Variants in PAX2 observed in about 807,000 individuals in gnomAD.
The protein encoded by PAX2 is paired box 2, also known as paired box protein Pax-2.
PAX2 carries 9 observed loss-of-function variants against 41.7 expected under a neutral mutation model. The observed-to-expected ratio is 0.22, with a 90% CI of 0.13 to 0.38. PAX2 has a LOEUF of 0.38. Among genes scored for constraint, PAX2 ranks in the 10% least tolerant of loss-of-function variants. The probability of loss-of-function intolerance (pLI) is 1.00; values close to 1 mark genes in which losing one functional copy is unlikely to be tolerated. For missense variants in PAX2, 418 were observed against 531.6 expected (o/e 0.79, Z 2.10); for synonymous variants, 221 against 212.7 (o/e 1.04, Z -0.34).
At chr10:100,798,859 C>T (rs71488073) in intron 5 of PAX2, among the ~76,000 whole-genome samples, 2 of 152,384 alleles carry the variant, frequency 1.3e-5, no homozygotes, top group Admixed American at 6.5e-5. Flanking sequence ...ACCTCCACCT[C>T]CCTGGTCCTG....
chr10:100,806,379 G>A, intron 5 of PAX2, 51 bp from the exon 6 acceptor site: 1 of 1,594,978 alleles, frequency 6.3e-7, no homozygotes, highest in Non-Finnish European at 8.6e-7. Flanking sequence ...CACTGTTCCT[G>A]TGCCTCTGCT....
At chr10:100,771,790 C>G (rs908151568) in intron 3 of PAX2, among the ~76,000 whole-genome samples, 4 of 151,798 alleles carry the variant, frequency 2.6e-5, no homozygotes, top group Non-Finnish European at 5.9e-5. Context: ...GCAAAATATC[C>G]TTTGCTGAAG....
intron 3 of PAX2, among the ~76,000 whole-genome samples, chr10:100,755,725 C>G (rs1845602428): frequency 6.6e-6 from 1 of 152,166 alleles, no homozygotes; most frequent in Admixed American, 6.5e-5. Flanking sequence ...CATCTGTCTG[C>G]ATGAAAACCA....
chr10:100,792,465 G>A (rs1168375866), intron 5 of PAX2, among the ~76,000 whole-genome samples: 1 of 152,240 alleles, frequency 6.6e-6, no homozygotes, highest in Non-Finnish European at 1.5e-5. Flanking sequence ...GACAGACAGT[G>A]AGAAGTCTAT....
rs773486698 is a variant in PAX2, at chr10:100,824,610, C to G, written c.920-38C>G. 3.6e-6 allele frequency: 5 copies of G among 1,374,166 alleles called. No homozygotes were observed. The Admixed American group carries it at 8.4e-5, about 23-fold the overall frequency. The allele number at this position is 1,374,166 out of a possible 1,614,324, so 85.1% of individuals were successfully genotyped here. The stretch of plus-strand genomic sequence containing the variant: ...GGTGTGAGTAGAGGCAGGCCCCTTT[C>G]TTCCAGGCCTCACCCCTTCCCCTTT... On this transcript the variant is annotated intron_variant, in intron 7 of 9. Transcript: ENST00000355243. This position sits in a 1 kb window ranked among gnomAD's most constrained non-coding sequence, Gnocchi z 6.6.
At chr10:100,790,199 A>C (rs1847049708) in intron 5 of PAX2, among the ~76,000 whole-genome samples, 1 of 152,192 alleles carries the variant, frequency 6.6e-6, no homozygotes, top group Non-Finnish European at 1.5e-5. Flanking sequence ...GAAATTCAGA[A>C]TAGAGAGGTC....
chr10:100,766,625 A>G (rs1027413835), intron 3 of PAX2, among the ~76,000 whole-genome samples: 3 of 152,216 alleles, frequency 2.0e-5, no homozygotes, highest in Non-Finnish European at 4.4e-5. Context: ...CAGAGCAGGG[A>G]CATTTGCTTC....
intron 5 of PAX2, among the ~76,000 whole-genome samples, chr10:100,798,458 C>G (rs1847417066): frequency 6.6e-6 from 1 of 152,002 alleles, no homozygotes; most frequent in Non-Finnish European, 1.5e-5. Context: ...GAACTGTGGC[C>G]AGGCCAGACT....
intron 5 of PAX2, 100 bp from the exon 6 acceptor site, chr10:100,806,330 C>A: frequency 8.0e-7 from 1 of 1,250,348 alleles, no homozygotes; most frequent in Non-Finnish European, 1.2e-6. Context: ...GGGTGCAGAG[C>A]TCCTGGGCCC....
intron 6 of PAX2, among the ~76,000 whole-genome samples, chr10:100,807,185 G>A (rs1847819940): frequency 6.6e-6 from 1 of 152,122 alleles, no homozygotes; most frequent in Non-Finnish European, 1.5e-5. Flanking sequence ...CACATAGCAT[G>A]GGGCACAGCA....
chr10:100,746,153 C>A lies in PAX2; in HGVS notation c.-108C>A. 1 of 1,595,228 alleles carries A rather than the reference C, an allele frequency of 6.3e-7. No homozygotes were observed. The highest frequency in any genetic ancestry group is 1.1e-5 in the South Asian group (1 of 90,126). On this transcript the variant is annotated 5_prime_UTR_variant, in exon 1 of 10. Coordinates refer to ENST00000355243, the MANE Select transcript of PAX2 (RefSeq NM_000278.5). ...GCCCCGCAGCAGCCGGGCGTTCACTCATCCTCCCTCCCCCACCGTCCCTCC... is the reference window on the plus strand; with the variant it reads ...GCCCCGCAGCAGCCGGGCGTTCACTAATCCTCCCTCCCCCACCGTCCCTCC...
chr10:100,798,852 T>C (rs1369214150), intron 5 of PAX2, among the ~76,000 whole-genome samples: 1 of 152,196 alleles, frequency 6.6e-6, no homozygotes, highest in African/African-American at 2.4e-5. Flanking sequence ...CAGTTGGACC[T>C]CCACCTCCCT....
At chr10:100,816,254 T>C (rs1025716472) in intron 7 of PAX2, among the ~76,000 whole-genome samples, 2 of 152,272 alleles carry the variant, frequency 1.3e-5, no homozygotes, top group Admixed American at 1.3e-4. Context: ...AATAAAGGAT[T>C]GCCCAGTTGA....
intron 5 of PAX2, among the ~76,000 whole-genome samples, chr10:100,799,870 C>T (rs956829104): frequency 2.7e-4 from 40 of 149,798 alleles, no homozygotes; most frequent in Middle Eastern, 3.5e-3. Flanking sequence ...CTGCAACCTC[C>T]GCCTCCTGGG....
intron 3 of PAX2, among the ~76,000 whole-genome samples, chr10:100,775,640 G>A (rs893211063): frequency 1.8e-4 from 28 of 152,128 alleles, no homozygotes; most frequent in African/African-American, 5.6e-4. Context: ...CCTCAAGCCC[G>A]TCCAGTTCTC....
chr10:100,743,646 C>G (rs945320765), upstream of PAX2, among the ~76,000 whole-genome samples: 7 of 152,240 alleles, frequency 4.6e-5, no homozygotes, highest in African/African-American at 1.7e-4. Flanking sequence ...CCTGAGATCC[C>G]TTGCACTCTG....
upstream of PAX2, among the ~76,000 whole-genome samples, chr10:100,742,089 G>C (rs761660669): frequency 6.6e-6 from 1 of 151,766 alleles, no homozygotes; most frequent in East Asian, 2.0e-4. Context: ...CCCCGGGTCA[G>C]GGCCCTGCAG....
At chr10:100,768,607 C>T (rs935236573) in intron 3 of PAX2, among the ~76,000 whole-genome samples, 1 of 152,118 alleles carries the variant, frequency 6.6e-6, no homozygotes, top group African/African-American at 2.4e-5. Flanking sequence ...TTTCCAAAAT[C>T]ATGGATATGA....
chr10:100,770,350 A>G (rs1846168735), intron 3 of PAX2, among the ~76,000 whole-genome samples: 1 of 152,228 alleles, frequency 6.6e-6, no homozygotes, highest in Admixed American at 6.5e-5. Flanking sequence ...GGGGGTGGAC[A>G]GCTGGTAGAT....
Sources: allele counts gnomAD v4.1 joint callset (sites outside exome capture counted in the v4.1 genomes callset), GRCh38; gene constraint gnomAD v4.1.1; non-coding constraint Gnocchi (gnomAD v3.1); transcripts MANE v1.5; gene names NCBI Gene and HGNC (gene_info 2026-07-23, HGNC 2026-07-21).